The following ANO6 variants were observed in gnomAD, a reference collection of about 807,000 sequenced individuals.
ANO6 encodes the protein anoctamin 6, also known as anoctamin-6.
ANO6 carries 106 observed loss-of-function variants against 117.5 expected under a neutral mutation model. The observed-to-expected ratio is 0.90, with a 90% CI of 0.77 to 1.06. The LOEUF is 1.06. ANO6 is among the 50% of genes least tolerant of loss of function. The pLI, the probability that ANO6 is intolerant of heterozygous loss-of-function variation, is 0.00. For missense variants in ANO6, 955 were observed against 1,121.1 expected (o/e 0.85, Z 2.12); for synonymous variants, 367 against 385.1 (o/e 0.95, Z 0.55).
At chr12:45,310,266 G>A (rs1939806440) in intron 2 of ANO6, among the ~76,000 whole-genome samples, 1 of 152,080 alleles carries the variant, frequency 6.6e-6, no homozygotes, top group East Asian at 1.9e-4. Flanking sequence ...AAGTTGCTGG[G>A]CCCAGCCAGA....
chr12:45,312,794 A>G (rs971028693), intron 2 of ANO6, among the ~76,000 whole-genome samples: 2 of 152,072 alleles, frequency 1.3e-5, no homozygotes, highest in African/African-American at 4.8e-5. Context: ...TATAATAACT[A>G]CCAAACAGCA....
At position 45,216,436 on chromosome 12, in the gene ANO6, C is replaced by G. The variant is rs752301357; in HGVS notation, c.70+45C>G. On this transcript the variant is annotated intron_variant, in intron 1 of 19. Coordinates refer to ENST00000320560, the MANE Select transcript of ANO6 (RefSeq NM_001025356.3). Reference sequence around the variant, plus strand: ...GTCCCCACCCGAGAGCCCGAGCCGACGCGGGAAGAAGTTCGGGGACTGCGC... The same window carrying G: ...GTCCCCACCCGAGAGCCCGAGCCGAGGCGGGAAGAAGTTCGGGGACTGCGC... The G allele has an allele frequency of 9.4e-6, 15 of 1,594,610 alleles. 1 individual carries two copies. In the South Asian group the frequency reaches 1.6e-4, roughly 17 times the overall value.
At chr12:45,244,026 C>T (rs186462442) in intron 1 of ANO6, among the ~76,000 whole-genome samples, 45 of 152,166 alleles carry the variant, frequency 3.0e-4, no homozygotes, top group Middle Eastern at 3.4e-3. Context: ...GGCTGTTTAC[C>T]GTGTTTTATA....
chr12:45,288,139 G>A (rs978557831), intron 1 of ANO6, among the ~76,000 whole-genome samples: 1 of 152,084 alleles, frequency 6.6e-6, no homozygotes, highest in East Asian at 1.9e-4. Context: ...ACCCATCTAG[G>A]TGTTAGAAAG....
At chr12:45,251,157 C>T (rs1200625067) in intron 1 of ANO6, among the ~76,000 whole-genome samples, 1 of 152,070 alleles carries the variant, frequency 6.6e-6, no homozygotes, top group African/African-American at 2.4e-5. Flanking sequence ...TTTGAAAGAA[C>T]AGAGCTGGGA....
intron 5 of ANO6, 30 bp from the exon 6 acceptor site, chr12:45,348,488 A>C: frequency 1.3e-6 from 2 of 1,579,032 alleles, no homozygotes; most frequent in Non-Finnish European, 1.7e-6. Context: ...CACTATATAA[A>C]CCGCATACTC....
At chr12:45,414,973 G>T (rs982042910) in intron 16 of ANO6, among the ~76,000 whole-genome samples, 1 of 152,032 alleles carries the variant, frequency 6.6e-6, no homozygotes, top group African/African-American at 2.4e-5. Flanking sequence ...GCCTAGGCTG[G>T]TCTCAAACTC....
intron 17 of ANO6, among the ~76,000 whole-genome samples, chr12:45,420,170 C>G (rs1030637127): frequency 6.6e-5 from 10 of 151,982 alleles, no homozygotes; most frequent in African/African-American, 2.4e-4. Flanking sequence ...CTTGTGTAAA[C>G]AAGTCATAAT....
At chr12:45,231,604 T>A (rs1010170006) in intron 1 of ANO6, among the ~76,000 whole-genome samples, 1 of 152,250 alleles carries the variant, frequency 6.6e-6, no homozygotes, top group African/African-American at 2.4e-5. Context: ...CATCTTTCTC[T>A]TACTGCATTT....
At chr12:45,374,800 G>T (rs1034457385) in intron 9 of ANO6, among the ~76,000 whole-genome samples, 3 of 152,148 alleles carry the variant, frequency 2.0e-5, no homozygotes, top group African/African-American at 7.2e-5. Flanking sequence ...ACACAAGACA[G>T]GGATGCCCTG....
At chr12:45,229,985 C>G (rs1453098166) in intron 1 of ANO6, among the ~76,000 whole-genome samples, 1 of 151,548 alleles carries the variant, frequency 6.6e-6, no homozygotes, top group African/African-American at 2.4e-5. Context: ...GTGCCTGATA[C>G]AGTGAAAGCC....
At chr12:45,433,693 CACCG>C (rs1943675312), downstream of ANO6, among the ~76,000 whole-genome samples, 1 of 136,416 alleles carries the variant, frequency 7.3e-6, no homozygotes, top group African/African-American at 3.7e-5. Flanking sequence ...GAGCCCTCGT[CACCG>C]TCACCGTTAA....
At chr12:45,228,123 G>A in intron 1 of ANO6, 2 of 283,228 alleles carry the variant, frequency 7.1e-6, no homozygotes, top group South Asian at 4.5e-5. Context: ...TTTTTGTGTT[G>A]TTTTTTTTTT....
At chr12:45,314,445 C>A (rs532180267) in intron 2 of ANO6, among the ~76,000 whole-genome samples, 14 of 144,204 alleles carry the variant, frequency 9.7e-5, no homozygotes, top group East Asian at 2.0e-4. Flanking sequence ...CTTATCTCTA[C>A]AAAAAAAAAA....
At chr12:45,286,109 C>T (rs1938906096) in intron 1 of ANO6, among the ~76,000 whole-genome samples, 1 of 152,182 alleles carries the variant, frequency 6.6e-6, no homozygotes, top group Non-Finnish European at 1.5e-5. Context: ...TTGCACTTGA[C>T]TCCTTCCCTG....
At chr12:45,292,557 A>C in intron 1 of ANO6, 1 of 746,980 alleles carries the variant, frequency 1.3e-6, no homozygotes, top group Non-Finnish European at 1.7e-6. Flanking sequence ...TGCAGTGTAC[A>C]TTGAGTTTTT....
chr12:45,253,786 C>T (rs1361930262), intron 1 of ANO6, among the ~76,000 whole-genome samples: 1 of 152,134 alleles, frequency 6.6e-6, no homozygotes, highest in East Asian at 1.9e-4. Flanking sequence ...GTATTACTAA[C>T]CCCTATAATG....
chr12:45,293,548 A>G (rs981257412), intron 1 of ANO6, among the ~76,000 whole-genome samples: 1 of 151,930 alleles, frequency 6.6e-6, no homozygotes, highest in African/African-American at 2.4e-5. Flanking sequence ...TCCAACTGAA[A>G]AAAATACTGT....
intron 6 of ANO6, 40 bp from the exon 7 acceptor site, chr12:45,350,619 C>G: frequency 6.6e-7 from 1 of 1,504,784 alleles, no homozygotes; most frequent in South Asian, 1.1e-5. Flanking sequence ...TGTGAAAACA[C>G]GATGATTATG....
Sources: gnomAD v4.1 joint callset for allele counts (sites outside exome capture counted in the v4.1 genomes callset) on GRCh38, gnomAD v4.1.1 for gene constraint, MANE v1.5 for transcripts, NCBI Gene and HGNC (gene_info 2026-07-23, HGNC 2026-07-21) for gene names.